SETD1B: variants seen among roughly 807,000 people sequenced by gnomAD.
The protein encoded by SETD1B is SET domain containing 1B, histone lysine methyltransferase.
SETD1B carries 7 observed loss-of-function variants against 148.0 expected under a neutral mutation model. The ratio of observed to expected loss-of-function variants is 0.05; its 90% CI spans 0.03 to 0.09. The LOEUF (loss-of-function observed/expected upper bound fraction) is 0.09, where lower values mean the gene tolerates loss of function less well. Ranked by LOEUF, SETD1B falls within the 10% of genes least tolerant of loss-of-function variation. SETD1B has a pLI of 1.00. For synonymous variants in SETD1B, 1,361 were observed against 1,186.5 expected (o/e 1.15, Z -3.02); for missense variants, 2,155 against 2,729.9 (o/e 0.79, Z 4.69).
rs1400643340 is a variant in SETD1B at position 121,810,173 on chromosome 12, C to T, written c.1228C>T (p.Pro410Ser). ...YQTPVAHFPP[P>S]PEEPTATAAF... ...GACCCCAGTGGCCCACTTCCCTCCA[C>T]CCCCGGAAGAGCCCACCGCCACAGC... Residue 410 changes from proline (P) to serine (S), a missense_variant, in exon 6 of 17, where the codon CCC becomes TCC. By Grantham distance (74) the Pro-to-Ser change is moderately conservative. Coordinates refer to ENST00000604567, the MANE Select transcript of SETD1B (RefSeq NM_001353345.2). The surrounding 1 kb of genome is among the most constrained non-coding windows in gnomAD (Gnocchi z 7.6). The T allele has an allele frequency of 7.1e-6, 11 of 1,549,714 alleles. No individual in the cohort carries two copies. Among genetic ancestry groups the T allele is most frequent in the South Asian group, 1.2e-5 (1 of 84,042 alleles).
At position 121,823,238 on chromosome 12, in the gene SETD1B, G is replaced by A. The variant is rs765669539; in HGVS notation, c.4659G>A (p.Pro1553=). ...AALGRELLLL[P]GQPQTPVFPS... is the part of the protein sequence containing the mutation. ...TTGGAAGGGAACTCCTGCTCCTGCC[G>A]GGCCAGCCACAGACCCCCGTCTTCC... is the stretch of plus-strand genomic sequence containing the variant. Residue 1553 remains proline, a synonymous_variant, in exon 12 of 17, where the codon CCG becomes CCA. Transcript: ENST00000604567. The A allele has an allele frequency of 3.5e-4, 550 of 1,549,596 alleles. No homozygotes were observed. Among genetic ancestry groups the A allele is most frequent in the Non-Finnish European group, 4.5e-4 (512 of 1,146,870 alleles).
intron 11 of SETD1B, 32 bp from the exon 12 acceptor site, chr12:121,822,458 T>C (rs1876603405): frequency 6.0e-6 from 9 of 1,502,996 alleles, no homozygotes; most frequent in Non-Finnish European, 7.2e-6. Context: ...GATTGAATAG[T>C]AAATGTCTCG....
At chr12:121,818,326 G>T (rs1486467008) in intron 10 of SETD1B, among the ~76,000 whole-genome samples, 2 of 152,314 alleles carry the variant, frequency 1.3e-5, no homozygotes, top group East Asian at 3.9e-4. Context: ...ACTTTGAGAG[G>T]CCTAGGCGAG....
In SETD1B at chr12:121,830,004, T is replaced by C. The variant is rs1877017509; in HGVS notation, c.5728-62T>C. 5.4e-6 allele frequency: 8 copies of C among 1,468,994 alleles called. No homozygotes were observed. Among genetic ancestry groups the C allele is most frequent in the Non-Finnish European group, 6.4e-6 (7 of 1,091,984 alleles). 91.0% of individuals were successfully genotyped at this position (1,468,994 alleles called of 1,614,324 possible). A position where few individuals can be genotyped will look rare whatever the true frequency, so the allele number is the denominator to read the frequency against. On this transcript the variant is annotated intron_variant, in intron 16 of 16. Coordinates refer to ENST00000604567, the MANE Select transcript of SETD1B (RefSeq NM_001353345.2). This position sits in a 1 kb window ranked among gnomAD's most constrained non-coding sequence, Gnocchi z 5.7. Reference sequence around the variant, plus strand: ...CACAGGCCTGGTTGGGTTTGGGGGGTCTGCAGTGGTGGGGGACCCTGGGGG... The same window carrying C: ...CACAGGCCTGGTTGGGTTTGGGGGGCCTGCAGTGGTGGGGGACCCTGGGGG...
intron 6 of SETD1B, among the ~76,000 whole-genome samples, chr12:121,812,388 TCA>T (rs1262889129): frequency 3.3e-5 from 5 of 152,170 alleles, no homozygotes; most frequent in East Asian, 1.9e-4. Context: ...TTTCTGAGTC[TCA>T]GTTTCGTCAT....
upstream of SETD1B, chr12:121,802,790 G>A (rs1875453445): frequency 6.6e-6 from 1 of 152,176 alleles, no homozygotes; most frequent in African/African-American, 2.4e-5. Flanking sequence ...TGGGCCTGTT[G>A]ACAAATGTTA....
Position 121,822,560 on chromosome 12 carries a change from C to T in SETD1B, c.3981C>T (p.Pro1327=). 1.3e-6 allele frequency: 2 copies of T among 1,551,310 alleles called. No homozygotes were observed. Among genetic ancestry groups the T allele is most frequent in the Non-Finnish European group, 1.7e-6 (2 of 1,146,796 alleles). ...TGCCGCTGCAACCACCATTGCCGCCCCCACGACCACCCCGGCCACCCAGCC... is the reference window on the plus strand; with the variant it reads ...TGCCGCTGCAACCACCATTGCCGCCTCCACGACCACCCCGGCCACCCAGCC... ...LPLPLQPPLP[P]PRPPRPPSPP... Residue 1327 remains proline, a synonymous_variant, in exon 12 of 17, where the codon CCC becomes CCT. Transcript: ENST00000604567.
chr12:121,791,878 C>A, the SETD1B span, among the ~76,000 whole-genome samples: 1 of 152,300 alleles, frequency 6.6e-6, no homozygotes, highest in East Asian at 1.9e-4. Flanking sequence ...AATGACCTTG[C>A]CCCTCCCTGG....
chr12:121,816,268 C>T (rs1384506945), intron 7 of SETD1B, among the ~76,000 whole-genome samples: 1 of 151,930 alleles, frequency 6.6e-6, no homozygotes, highest in Non-Finnish European at 1.5e-5. Context: ...CCATTCCCCC[C>T]TGCTCCCCTC....
rs1471421907 is a variant in SETD1B, at chr12:121,823,007, G to A, written c.4428G>A (p.Leu1476=). The change falls in exon 12 of 17, where the codon CTG becomes CTA. Residue 1476 remains leucine, a synonymous_variant. Transcript: ENST00000604567. ...VLLETGLPLP[L]PLPLPLPLAL... The stretch of plus-strand genomic sequence containing the variant: ...TGGAGACGGGCCTGCCCCTCCCTCT[G>A]CCCCTTCCCCTGCCCTTGCCCTTGG... The A allele has an allele frequency of 5.9e-6, 9 of 1,521,092 alleles. No individual in the cohort carries two copies. Among genetic ancestry groups the A allele is most frequent in the Non-Finnish European group, 7.9e-6 (9 of 1,135,794 alleles). 94.2% of individuals were successfully genotyped at this position (1,521,092 alleles called of 1,614,324 possible).
At chr12:121,800,561 G>C (rs572906817), upstream of SETD1B, 1 of 151,768 alleles carries the variant, frequency 6.6e-6, no homozygotes, top group African/African-American at 2.4e-5. Flanking sequence ...CGCCCGCGCA[G>C]GACAAAGACG....
chr12:121,794,728 C>T, the SETD1B span, among the ~76,000 whole-genome samples: 1 of 152,070 alleles, frequency 6.6e-6, no homozygotes, highest in Non-Finnish European at 1.5e-5. Context: ...TCACCCTGGG[C>T]GGGCTGACTG....
chr12:121,816,175 G>A (rs780826536), intron 7 of SETD1B, among the ~76,000 whole-genome samples: 1 of 151,974 alleles, frequency 6.6e-6, no homozygotes, highest in Non-Finnish European at 1.5e-5. Flanking sequence ...AATCTTACAG[G>A]TAATCTAAAA....
rs1328449770 is a variant in SETD1B, at chr12:121,823,119, C to G, written c.4540C>G (p.Pro1514Ala). 6.5e-7 allele frequency: 1 copy of G among 1,535,422 alleles called. No individual in the cohort carries two copies. Among genetic ancestry groups the G allele is most frequent in the Non-Finnish European group, 8.7e-7 (1 of 1,145,492 alleles). The change falls in exon 12 of 17, where the codon CCA (proline) becomes GCA (alanine). Residue 1514 changes from proline to alanine, a missense_variant. Physicochemically the swap from Pro to Ala is conservative, Grantham distance 27. This residue lies in a region of SETD1B where 862 missense variants were observed against 873.8 expected (regional missense o/e 0.99). Transcript: ENST00000604567. ...CGCCCCCCTGGCCTCTTGCCCTCCCCCAATGAAGAGGAAGCCGGGCCGGCC... is the reference window on the plus strand; with the variant it reads ...CGCCCCCCTGGCCTCTTGCCCTCCCGCAATGAAGAGGAAGCCGGGCCGGCC... The part of the protein sequence containing the change: ...LPAPLASCPP[P>A]MKRKPGRPRR...
chr12:121,817,862 C>T lies in SETD1B; in HGVS notation c.3376C>T (p.Leu1126=), dbSNP rs1269052636. The T allele has an allele frequency of 6.4e-7, 1 of 1,550,906 alleles. No homozygotes were observed. The highest frequency in any genetic ancestry group is 8.7e-7 in the Non-Finnish European group (1 of 1,146,706). The change falls in exon 10 of 17, where the codon CTG becomes TTG. Residue 1126 remains leucine (L), a synonymous_variant. Transcript: ENST00000604567. This position sits in a 1 kb window ranked among gnomAD's most constrained non-coding sequence, Gnocchi z 8.1. Reference sequence around the variant, plus strand: ...TGAGAACGATGACGAGGACACAGCCCTGTCAGAGGCGAGTGAGAAGGACGA... The same window carrying T: ...TGAGAACGATGACGAGGACACAGCCTTGTCAGAGGCGAGTGAGAAGGACGA... ...ESENDDEDTA[L]SEASEKDEGD... is the part of the protein sequence containing the mutation.
At position 121,817,358 on chromosome 12, in the gene SETD1B, CCCTT is replaced by C; in HGVS notation, c.2978-8_2978-5del. The C allele has an allele frequency of 6.5e-7, 1 of 1,531,026 alleles. No individual in the cohort carries two copies. The allele number at this position is 1,531,026 out of a possible 1,614,324, so 94.8% of individuals were successfully genotyped here. A position where few individuals can be genotyped will look rare whatever the true frequency, so the allele number is the denominator to read the frequency against. Reference sequence around the variant, plus strand: ...CCCCCCAGCCCAGCTCTGACTCCCTCCCTTCCTGCAGAGTCCGAGCGAGAGCGAG... The same window carrying C: ...CCCCCCAGCCCAGCTCTGACTCCCTCCCTGCAGAGTCCGAGCGAGAGCGAG... On this transcript the variant is annotated splice_region_variant and splice_polypyrimidine_tract_variant and intron_variant, in intron 8 of 16. Coordinates refer to ENST00000604567, the MANE Select transcript of SETD1B (RefSeq NM_001353345.2). The surrounding 1 kb of genome is among the most constrained non-coding windows in gnomAD (Gnocchi z 8.1).
intron 11 of SETD1B, among the ~76,000 whole-genome samples, chr12:121,820,110 C>T (rs936002493): frequency 3.9e-5 from 6 of 152,252 alleles, no homozygotes; most frequent in Admixed American, 6.5e-5. Context: ...CAAAGGGGAA[C>T]GACTGCTATT....
intron 16 of SETD1B, among the ~76,000 whole-genome samples, chr12:121,828,792 C>T (rs766117924): frequency 6.6e-5 from 10 of 152,294 alleles, no homozygotes; most frequent in Admixed American, 1.3e-4. Context: ...AAAACAGAGA[C>T]AATAACAGTC....
At position 121,812,272 on chromosome 12, in the gene SETD1B, G is replaced by A. The variant is rs375820966; in HGVS notation, c.1890+1437G>A. On this transcript the variant is annotated intron_variant, in intron 6 of 16. Coordinates refer to ENST00000604567, the MANE Select transcript of SETD1B (RefSeq NM_001353345.2). ...CGGGGCCAGCCGAGGGTGCAGGGGG[G>A]GCTTTTCTTCTAAACAGTGGCTGGT... is the stretch of plus-strand genomic sequence containing the variant. Among the ~76,000 whole-genome samples the A allele has an allele frequency of 3.7e-4, 56 of 152,312 alleles. 1 individual carries two copies. In the East Asian group the frequency reaches 6.4e-3, roughly 17 times the overall value.
Sources: gnomAD v4.1 joint callset for allele counts (sites outside exome capture counted in the v4.1 genomes callset) on GRCh38, gnomAD v4.1.1 for gene constraint, gnomAD v4.1.1 regional missense constraint, Gnocchi (gnomAD v3.1) non-coding constraint, MANE v1.5 for transcripts, NCBI Gene and HGNC (gene_info 2026-07-23, HGNC 2026-07-21) for gene names.